Variants in ZNF536 observed in about 807,000 individuals in gnomAD.
The protein encoded by ZNF536 is zinc finger protein 536.
In ZNF536, 13 loss-of-function variants were observed where a neutral mutation model predicts 84.5. That is an observed-to-expected ratio of 0.15 (90% confidence interval 0.10 to 0.24). The LOEUF (loss-of-function observed/expected upper bound fraction) is 0.24. ZNF536 is among the 10% of genes least tolerant of loss of function. The pLI is 1.00. For synonymous variants in ZNF536, 811 were observed against 742.5 expected (o/e 1.09, Z -1.50); for missense variants, 1,536 against 1,747.5 (o/e 0.88, Z 2.16).
At chr19:30,511,107 AG>A (rs2055396182) in intron 2 of ZNF536, among the ~76,000 whole-genome samples, 1 of 152,094 alleles carries the variant, frequency 6.6e-6, no homozygotes, top group South Asian at 2.1e-4. Context: ...GCCTGAATGG[AG>A]GGGAGCCGTG....
At position 30,454,958 on chromosome 19, in the gene ZNF536, G is replaced by A. The variant is rs576928109; in HGVS notation, c.2170+9226G>A. 2.5e-3 allele frequency among the ~76,000 whole-genome samples: 382 copies of A among 152,270 alleles called. 2 individuals carry two copies. Among genetic ancestry groups the A allele is most frequent in the Non-Finnish European group, 4.4e-3 (298 of 68,018 alleles). On this transcript the variant is annotated intron_variant, in intron 2 of 4. Coordinates refer to ENST00000355537, the MANE Select transcript of ZNF536 (RefSeq NM_014717.3). Reference sequence around the variant, plus strand: ...TGAGGCAGGAGAATCGCTTGAATCCGGGAGGAGGAGGTTGCGGTGAGCCGA... The same window carrying A: ...TGAGGCAGGAGAATCGCTTGAATCCAGGAGGAGGAGGTTGCGGTGAGCCGA...
At chr19:30,432,020 C>CAT (rs2051493619) in intron 1 of ZNF536, among the ~76,000 whole-genome samples, 1 of 139,648 alleles carries the variant, frequency 7.2e-6, no homozygotes, top group African/African-American at 2.8e-5. Flanking sequence ...CACACACATA[C>CAT]ACACACACAC....
rs147167050 is a variant in ZNF536 at position 30,246,817 on chromosome 19, C to T, written c.-190+18144C>T. 1.2e-4 allele frequency among the ~76,000 whole-genome samples: 18 copies of T among 152,148 alleles called. No individual in the cohort carries two copies. The East Asian group carries it at 2.9e-3, about 24-fold the overall frequency. ...TTTTCAATTCAATGAGTAAAAAAGT[C>T]GACTCATTATTATTATATTTTTTAA... On this transcript the variant is annotated intron_variant, in intron 1 of 5. Coordinates refer to the ZNF536 transcript ENST00000585628.
intron 1 of ZNF536, among the ~76,000 whole-genome samples, chr19:30,396,393 G>T (rs1438864211): frequency 6.6e-6 from 1 of 152,144 alleles, no homozygotes; most frequent in African/African-American, 2.4e-5. Flanking sequence ...GACTTTCTGG[G>T]AATTTGGGGT....
intron 1 of ZNF536, among the ~76,000 whole-genome samples, chr19:30,388,831 C>T (rs1391941097): frequency 6.6e-6 from 1 of 152,192 alleles, no homozygotes; most frequent in Non-Finnish European, 1.5e-5. Flanking sequence ...TTATGGGCTT[C>T]CTCCACTTTC....
intron 1 of ZNF536, among the ~76,000 whole-genome samples, chr19:30,576,577 A>C (rs921434234): frequency 6.6e-6 from 1 of 152,184 alleles, no homozygotes; most frequent in East Asian, 1.9e-4. Flanking sequence ...AGTGGCGCTC[A>C]TGTCTGATAC....
rs149346137 is a variant in ZNF536 at position 30,357,961 on chromosome 19, G to T, written c.-3+5477G>T. On this transcript the variant is annotated intron_variant, in intron 3 of 5. Coordinates refer to the ZNF536 transcript ENST00000585628. Reference sequence around the variant, plus strand: ...GGCTAAGTCTGTGCCCAGAAGAGAAGAGTGACCCTCAGGGAGTTGCAGACA... The same window carrying T: ...GGCTAAGTCTGTGCCCAGAAGAGAATAGTGACCCTCAGGGAGTTGCAGACA... 1.7e-3 allele frequency among the ~76,000 whole-genome samples: 253 copies of T among 152,294 alleles called. 2 individuals carry two copies. The highest frequency in any genetic ancestry group is 8.8e-4 in the Non-Finnish European group (60 of 68,022).
At chr19:30,237,498 C>T (rs946134076) in intron 1 of ZNF536, among the ~76,000 whole-genome samples, 3 of 152,176 alleles carry the variant, frequency 2.0e-5, no homozygotes, top group Admixed American at 6.5e-5. Context: ...TATTTATGAT[C>T]ACTGATCTTC....
chr19:30,560,499 T>C (rs4805578), downstream of ZNF536, among the ~76,000 whole-genome samples: 70,554 of 151,960 alleles, frequency 0.46, 17,591 homozygotes, highest in African/African-American at 0.66. Flanking sequence ...CTGAAGCAAA[T>C]GTAAACATCA....
In ZNF536 at chr19:30,548,679, C is replaced by A; in HGVS notation, c.3060C>A (p.Leu1020=). The change falls in exon 4 of 5, where the codon CTC becomes CTA. Residue 1020 remains leucine, a synonymous_variant. Coordinates refer to ENST00000355537, the MANE Select transcript of ZNF536 (RefSeq NM_014717.3). ...CCATGGAGCTCATGGCCCTTCATCT[C>A]CAGGCCAACCACCTGGGCAAAGCGA... The part of the protein sequence containing the change: ...TSSMELMALH[L]QANHLGKAKR... 6.2e-7 allele frequency: 1 copy of A among 1,614,052 alleles called. No individual in the cohort carries two copies. The highest frequency in any genetic ancestry group is 8.5e-7 in the Non-Finnish European group (1 of 1,180,030).
At chr19:30,426,864 G>A (rs151009088) in intron 1 of ZNF536, among the ~76,000 whole-genome samples, 10 of 152,278 alleles carry the variant, frequency 6.6e-5, no homozygotes, top group African/African-American at 2.2e-4. Context: ...GTAGAGGTGA[G>A]GGCATTCAAT....
chr19:30,667,154 T>C (rs2050355648), intron 1 of ZNF536, among the ~76,000 whole-genome samples: 2 of 152,178 alleles, frequency 1.3e-5, no homozygotes, highest in Admixed American at 1.3e-4. Flanking sequence ...CACCGAGGAC[T>C]AATGACTGAA....
At chr19:30,320,708 C>T (rs532714931) in intron 2 of ZNF536, among the ~76,000 whole-genome samples, 2 of 152,172 alleles carry the variant, frequency 1.3e-5, no homozygotes, top group Admixed American at 6.5e-5. Flanking sequence ...AAGGGTAAAA[C>T]GCTCCCCTCC....
chr19:30,338,895 G>T (rs184660609), intron 2 of ZNF536, among the ~76,000 whole-genome samples: 19 of 152,292 alleles, frequency 1.2e-4, no homozygotes, highest in African/African-American at 4.6e-4. Context: ...TATGGATGAA[G>T]TGGGGACACA....
At chr19:30,654,829 A>AC (rs931428056) in intron 1 of ZNF536, among the ~76,000 whole-genome samples, 3 of 139,186 alleles carry the variant, frequency 2.2e-5, no homozygotes, top group Non-Finnish European at 4.7e-5. Flanking sequence ...TCTGCCACCC[A>AC]CCCCCCACAC....
intron 2 of ZNF536, among the ~76,000 whole-genome samples, chr19:30,483,684 C>T (rs776151625): frequency 2.0e-5 from 3 of 152,148 alleles, no homozygotes; most frequent in African/African-American, 4.8e-5. Flanking sequence ...AGTTCGTTCC[C>T]GGTAGCTTGC....
chr19:30,547,793 C>A (rs528963996), intron 3 of ZNF536, 150 bp from the exon 4 acceptor site: 16 of 856,346 alleles, frequency 1.9e-5, no homozygotes, highest in Non-Finnish European at 2.7e-5. Flanking sequence ...CTTAAGAGTA[C>A]GAATTATTCT....
intron 2 of ZNF536, among the ~76,000 whole-genome samples, chr19:30,348,225 A>G (rs974980819): frequency 6.6e-6 from 1 of 152,216 alleles, no homozygotes; most frequent in East Asian, 1.9e-4. Context: ...TTCATTCAAC[A>G]AATAAAACAC....
At chr19:30,526,288 C>T (rs1365448489) in intron 2 of ZNF536, among the ~76,000 whole-genome samples, 1 of 152,218 alleles carries the variant, frequency 6.6e-6, no homozygotes, top group African/African-American at 2.4e-5. Context: ...CCATAGCCAC[C>T]CCTTGGGGCC....
Sources: gnomAD v4.1 joint callset for allele counts (sites outside exome capture counted in the v4.1 genomes callset) on GRCh38, gnomAD v4.1.1 for gene constraint, MANE v1.5 for transcripts, NCBI Gene and HGNC (gene_info 2026-07-23, HGNC 2026-07-21) for gene names.